Variants in HYKK observed in about 807,000 individuals in gnomAD.
HYKK encodes the protein 5-hydroxy-L-lysine kinase.
A neutral mutation model predicts 29.7 loss-of-function variants in HYKK; 19 were observed. The ratio of observed to expected loss-of-function variants is 0.64; its 90% CI spans 0.45 to 0.94. The LOEUF (loss-of-function observed/expected upper bound fraction) is 0.94. Among genes scored for constraint, HYKK ranks in the 40% least tolerant of loss-of-function variants. HYKK has a pLI of 0.00. For synonymous variants in HYKK, 152 were observed against 158.1 expected, an observed-to-expected ratio of 0.96 and a Z score of 0.29; for missense variants, 390 against 443.4, an observed-to-expected ratio of 0.88 and a Z score of 1.08.
Position 78,533,628 on chromosome 15 carries a change from G to A in HYKK, c.1080G>A (p.Trp360Ter). ...GTCAGAAAGCTGTAGAAGAAATCTG[G>A]TTTGAAACTGCCAAATCCTATGAAT... The part of the protein sequence containing the change: ...DMGQKAVEEI[W>*]FETAKSYESG... The change falls in exon 5 of 5, where the codon TGG becomes TGA. Residue 360 changes from tryptophan to a stop codon, truncating the protein, a stop_gained. Coordinates refer to ENST00000388988, the MANE Select transcript of HYKK (RefSeq NM_001013619.4). LOFTEE classifies it high-confidence loss of function. 6.2e-7 allele frequency: 1 copy of A among 1,614,178 alleles called. No individual in the cohort carries two copies.
rs981433544 is a variant in HYKK, at chr15:78,534,401, C to G, written c.*731C>G. Reference sequence around the variant, plus strand: ...AGTAGCTGGGACTACAGGCGCCCACCACCACGCCCGGCTAATTTTTTTTGT... The same window carrying G: ...AGTAGCTGGGACTACAGGCGCCCACGACCACGCCCGGCTAATTTTTTTTGT... On this transcript the variant is annotated 3_prime_UTR_variant, in exon 5 of 5. Coordinates refer to ENST00000388988, the MANE Select transcript of HYKK (RefSeq NM_001013619.4). The G allele has an allele frequency of 6.6e-6, 1 of 152,144 alleles. No homozygotes were observed. The highest frequency in any genetic ancestry group is 2.4e-5 in the African/African-American group (1 of 41,396). The allele number at this position is 152,144 out of a possible 1,614,324, so 9.4% of individuals were successfully genotyped here.
rs1427737904 is a variant in HYKK, at chr15:78,513,259, T to C, written c.171T>C (p.Asp57=). The C allele has an allele frequency of 6.2e-7, 1 of 1,614,194 alleles. No homozygotes were observed. ...ATGTCTACGTTTCAAAAACCAAAGA[T>C]GGCCCAACTGAATATGTCCTCAAAA... The part of the protein sequence containing the change: ...NFHVYVSKTK[D]GPTEYVLKIS... The change falls in exon 2 of 5, where the codon GAT becomes GAC. Residue 57 remains aspartate, a synonymous_variant. Coordinates refer to ENST00000388988, the MANE Select transcript of HYKK (RefSeq NM_001013619.4).
intron 1 of HYKK, among the ~76,000 whole-genome samples, chr15:78,508,743 A>G (rs1338185053): frequency 6.6e-6 from 1 of 152,014 alleles, no homozygotes; most frequent in Non-Finnish European, 1.5e-5. Context: ...CTAAAAAAAT[A>G]AAAATAATAA....
intron 3 of HYKK, among the ~76,000 whole-genome samples, chr15:78,520,975 C>G (rs1456798967): frequency 6.6e-6 from 1 of 152,004 alleles, no homozygotes; most frequent in Non-Finnish European, 1.5e-5. Context: ...GCTGACCCCC[C>G]CACCTCCCTC....
chr15:78,508,469 G>T (rs1304501473), intron 1 of HYKK, among the ~76,000 whole-genome samples: 4 of 152,116 alleles, frequency 2.6e-5, no homozygotes, highest in Non-Finnish European at 4.4e-5. Flanking sequence ...TTTCTTGTCT[G>T]GTATACTTTG....
intron 3 of HYKK, among the ~76,000 whole-genome samples, chr15:78,525,248 C>A (rs1487249218): frequency 6.6e-6 from 1 of 151,586 alleles, no homozygotes; most frequent in Non-Finnish European, 1.5e-5. Flanking sequence ...CTCTGCCTCC[C>A]AGATTCATGC....
intron 3 of HYKK, 104 bp from the exon 4 acceptor site, chr15:78,527,276 A>G: frequency 1.1e-6 from 1 of 903,680 alleles, no homozygotes; most frequent in Non-Finnish European, 1.6e-6. Flanking sequence ...GCAGAGTAAG[A>G]CTCTGTCTCA....
intron 3 of HYKK, among the ~76,000 whole-genome samples, chr15:78,525,790 C>T (rs148799527): frequency 7.9e-5 from 12 of 152,216 alleles, no homozygotes; most frequent in South Asian, 4.2e-4. Flanking sequence ...TGAGCCACCA[C>T]GCCCAGCCAG....
At chr15:78,531,428 T>C (rs577975379) in intron 4 of HYKK, among the ~76,000 whole-genome samples, 13 of 152,338 alleles carry the variant, frequency 8.5e-5, no homozygotes, top group African/African-American at 2.9e-4. Context: ...CTGCTTTTTC[T>C]AACAATTATT....
At chr15:78,525,870 C>A (rs1377090857) in intron 3 of HYKK, among the ~76,000 whole-genome samples, 1 of 152,108 alleles carries the variant, frequency 6.6e-6, no homozygotes, top group Non-Finnish European at 1.5e-5. Context: ...GAGACTTTTT[C>A]TTTATATGTG....
chr15:78,514,115 C>T (rs1230989878), intron 2 of HYKK, among the ~76,000 whole-genome samples: 1 of 150,752 alleles, frequency 6.6e-6, no homozygotes, highest in Non-Finnish European at 1.5e-5. Flanking sequence ...TTTTTTTTAA[C>T]CAGAAAAATA....
intron 3 of HYKK, among the ~76,000 whole-genome samples, chr15:78,522,054 C>G (rs1285874446): frequency 6.6e-6 from 1 of 151,340 alleles, no homozygotes; most frequent in Non-Finnish European, 1.5e-5. Flanking sequence ...AAGCGATCCT[C>G]TCACCACAGC....
Position 78,533,839 on chromosome 15 carries a change from T to C in HYKK, c.*169T>C. ...TCCCTAAGGTCTTCAAGCAATCTCG[T>C]GACAATTTTTTAAAATTCACAAAAG... On this transcript the variant is annotated 3_prime_UTR_variant, in exon 5 of 5. Coordinates refer to ENST00000388988, the MANE Select transcript of HYKK (RefSeq NM_001013619.4). 1.7e-6 allele frequency: 1 copy of C among 588,344 alleles called. No individual in the cohort carries two copies. The highest frequency in any genetic ancestry group is 2.2e-5 in the South Asian group (1 of 45,456). 36.4% of individuals were successfully genotyped at this position (588,344 alleles called of 1,614,324 possible). A position where few individuals can be genotyped will look rare whatever the true frequency, so the allele number is the denominator to read the frequency against.
chr15:78,533,560 G>T lies in HYKK; in HGVS notation c.1012G>T (p.Ala338Ser), dbSNP rs1705357002. 1.2e-6 allele frequency: 2 copies of T among 1,614,084 alleles called. No homozygotes were observed. Among genetic ancestry groups the T allele is most frequent in the Non-Finnish European group, 1.7e-6 (2 of 1,179,980 alleles). Residue 338 changes from alanine to serine, a missense_variant, in exon 5 of 5, where the codon GCA becomes TCA. Coordinates refer to ENST00000388988, the MANE Select transcript of HYKK (RefSeq NM_001013619.4). ...PENKDYLMVT[A>S]KTGWKHLQQM... is the part of the protein sequence containing the mutation. The stretch of plus-strand genomic sequence containing the variant: ...GAACAAAGACTATCTCATGGTTACT[G>T]CAAAAACCGGGTGGAAACACTTACA...
chr15:78,515,032 C>T lies in HYKK; in HGVS notation c.402C>T (p.Ile134=), dbSNP rs768667853. 3 of 1,603,874 alleles carry T rather than the reference C, an allele frequency of 1.9e-6. No homozygotes were observed. The highest frequency in any genetic ancestry group is 1.1e-5 in the South Asian group (1 of 89,780). ...RLLTYLPGRP[I]AELPVSPQLL... ...TGACTTACCTCCCAGGAAGACCCATCGCTGAGCTTCCCGTCAGCCCCCAGC... is the reference window on the plus strand; with the variant it reads ...TGACTTACCTCCCAGGAAGACCCATTGCTGAGCTTCCCGTCAGCCCCCAGC... Residue 134 remains isoleucine, a synonymous_variant, in exon 3 of 5, where the codon ATC becomes ATT. Transcript: ENST00000388988.
At chr15:78,536,938 C>G (rs977000279), downstream of HYKK, among the ~76,000 whole-genome samples, 3 of 152,308 alleles carry the variant, frequency 2.0e-5, no homozygotes, top group East Asian at 5.8e-4. Flanking sequence ...GATTCAGTCT[C>G]TCTCCTGGGA....
chr15:78,528,097 A>G (rs2052276404), intron 4 of HYKK: 1 of 155,594 alleles, frequency 6.4e-6, no homozygotes, highest in Non-Finnish European at 1.4e-5. Flanking sequence ...ATTATGCTGC[A>G]ATGAACCCTC....
rs774996568 is a variant in HYKK at position 78,528,888 on chromosome 15, G to A, written c.661+1325G>A. 7.7e-5 allele frequency: 75 copies of A among 971,910 alleles called. No individual in the cohort carries two copies. The African/African-American group carries it at 1.1e-3, about 15-fold the overall frequency. The allele number at this position is 971,910 out of a possible 1,614,324, so 60.2% of individuals were successfully genotyped here. On this transcript the variant is annotated intron_variant, in intron 4 of 4. Coordinates refer to ENST00000388988, the MANE Select transcript of HYKK (RefSeq NM_001013619.4). ...GTGTTTCTCAGTGTTTCCTTACTCC[G>A]TGTAAACACAGTGTAAGGTGTAGCG...
Position 78,536,297 on chromosome 15 carries a change from C to G in HYKK, c.*2627C>G, listed in dbSNP as rs1266263771. The G allele has an allele frequency of 1.0e-5, 1 of 95,776 alleles. No individual in the cohort carries two copies. Among genetic ancestry groups the G allele is most frequent in the African/African-American group, 4.2e-5 (1 of 23,962 alleles). 5.9% of individuals were successfully genotyped at this position (95,776 alleles called of 1,614,324 possible). A position where few individuals can be genotyped will look rare whatever the true frequency, so the allele number is the denominator to read the frequency against. ...CCCTCTCCCTCCTCTCCTGTCCCTG[C>G]TACACACACACACACACACACACAC... On this transcript the variant is annotated 3_prime_UTR_variant, in exon 5 of 5. Transcript: ENST00000388988.
Sources: gnomAD v4.1 joint callset for allele counts (sites outside exome capture counted in the v4.1 genomes callset) on GRCh38, gnomAD v4.1.1 for gene constraint, MANE v1.5 for transcripts, NCBI Gene and HGNC (gene_info 2026-07-23, HGNC 2026-07-21) for gene names.